Variants in TRDMT1 observed in about 807,000 individuals in gnomAD.
TRDMT1 encodes the protein tRNA aspartic acid methyltransferase 1.
A neutral mutation model predicts 51.2 loss-of-function variants in TRDMT1; 49 were observed. That is an observed-to-expected ratio of 0.96 (90% CI 0.76 to 1.21). The LOEUF is 1.21. Among genes scored for constraint, TRDMT1 ranks in the 50% most tolerant of loss-of-function variants. The probability of loss-of-function intolerance (pLI) is 0.00; values close to 1 mark genes in which losing one functional copy is unlikely to be tolerated. For synonymous variants in TRDMT1, 187 were observed against 164.6 expected, an observed-to-expected ratio of 1.14 and a Z score of -1.04; for missense variants, 534 against 462.3, an observed-to-expected ratio of 1.16 and a Z score of -1.42.
At chr10:17,194,446 TA>T (rs1845105057) in intron 1 of TRDMT1, among the ~76,000 whole-genome samples, 1 of 151,712 alleles carries the variant, frequency 6.6e-6, no homozygotes, top group Non-Finnish European at 1.5e-5. Flanking sequence ...AAAAGAAACT[TA>T]AACAACTGAA....
At position 17,159,059 on chromosome 10, in the gene TRDMT1, A is replaced by G. The variant is rs529939817; in HGVS notation, c.543+87T>C. On this transcript the variant is annotated intron_variant, in intron 7 of 10. Coordinates refer to ENST00000377799, the MANE Select transcript of TRDMT1 (RefSeq NM_004412.7). The stretch of plus-strand genomic sequence containing the variant: ...ATAGTACACAGAGACAGCTACACAA[A>G]GTAGTTCTTGAAAATAAATTAGCAG... 142 of 874,730 alleles carry G rather than the reference A, an allele frequency of 1.6e-4. No homozygotes were observed. In the African/African-American group the frequency reaches 2.1e-3, roughly 13 times the overall value. The allele number at this position is 874,730 out of a possible 1,614,324, so 54.2% of individuals were successfully genotyped here. A position where few individuals can be genotyped will look rare whatever the true frequency, so the allele number is the denominator to read the frequency against.
Position 17,192,173 on chromosome 10 carries a change from G to A in TRDMT1, c.64+9398C>T, listed in dbSNP as rs1266770134. ...ATAGAGTTATAAATATAGTCTGAAG[G>A]TAAAGCCTGTAGAACTGGCTGATGT... On this transcript the variant is annotated intron_variant, in intron 1 of 10. Coordinates refer to ENST00000377799, the MANE Select transcript of TRDMT1 (RefSeq NM_004412.7). Among the ~76,000 whole-genome samples the A allele has an allele frequency of 3.3e-5, 5 of 152,152 alleles. No individual in the cohort carries two copies. In the East Asian group the frequency reaches 7.7e-4, roughly 23 times the overall value.
At chr10:17,177,246 G>C (rs1842735695) in intron 1 of TRDMT1, among the ~76,000 whole-genome samples, 1 of 138,228 alleles carries the variant, frequency 7.2e-6, no homozygotes, top group African/African-American at 2.7e-5. Flanking sequence ...GCCCAGGCTG[G>C]AGTTCAGTGG....
chr10:17,189,607 C>G (rs1844418651), intron 1 of TRDMT1, among the ~76,000 whole-genome samples: 1 of 152,026 alleles, frequency 6.6e-6, no homozygotes, highest in Admixed American at 6.6e-5. Context: ...ATTGAGAACA[C>G]AAGAAAAACA....
intron 1 of TRDMT1, among the ~76,000 whole-genome samples, chr10:17,188,532 AAGG>A (rs1844248014): frequency 6.6e-6 from 1 of 152,320 alleles, no homozygotes; most frequent in East Asian, 1.9e-4. Context: ...AGCTTCACAC[AAGG>A]AGAAGCCTCC....
Position 17,137,358 on chromosome 10 carries a change from A to G in TRDMT1, c.*11682T>C, listed in dbSNP as rs1369986589. ...GGGGAAATTTGAAAGAAGTAAATTT[A>G]TTGACCTTCTCTGATTTACAATAAA... On this transcript the variant is annotated 3_prime_UTR_variant, in exon 11 of 11. Transcript: ENST00000377799. 1 of 152,244 alleles carries G rather than the reference A, an allele frequency of 6.6e-6. No homozygotes were observed. The highest frequency in any genetic ancestry group is 6.5e-5 in the Admixed American group (1 of 15,284). 9.4% of individuals were successfully genotyped at this position (152,244 alleles called of 1,614,324 possible).
At chr10:17,181,420 T>C (rs1012379989) in intron 1 of TRDMT1, among the ~76,000 whole-genome samples, 4 of 152,156 alleles carry the variant, frequency 2.6e-5, no homozygotes, top group Non-Finnish European at 4.4e-5. Flanking sequence ...CCATGTCTCA[T>C]TCATATGGGT....
chr10:17,194,255 T>C (rs1845080138), intron 1 of TRDMT1, among the ~76,000 whole-genome samples: 1 of 152,210 alleles, frequency 6.6e-6, no homozygotes, highest in Non-Finnish European at 1.5e-5. Context: ...TGGAAAAGAA[T>C]TTATGACTAA....
At chr10:17,168,349 TAGA>T (rs1214405207) in intron 3 of TRDMT1, among the ~76,000 whole-genome samples, 17 of 152,164 alleles carry the variant, frequency 1.1e-4, no homozygotes, top group African/African-American at 4.1e-4. Flanking sequence ...CATAAGTAGA[TAGA>T]AGGATTTATG....
intron 3 of TRDMT1, 100 bp from the exon 4 acceptor site, chr10:17,162,337 T>C: frequency 8.9e-7 from 1 of 1,117,734 alleles, no homozygotes; most frequent in Non-Finnish European, 1.3e-6. Flanking sequence ...AAAAGGAGAA[T>C]AAAAATAAGT....
chr10:17,177,975 G>A (rs1301106300), intron 1 of TRDMT1, among the ~76,000 whole-genome samples: 1 of 152,176 alleles, frequency 6.6e-6, no homozygotes, highest in Non-Finnish European at 1.5e-5. Flanking sequence ...AAATGTAAAT[G>A]TAAAGACGTT....
chr10:17,161,744 T>A (rs180977037), intron 4 of TRDMT1, among the ~76,000 whole-genome samples, 196 bp from the exon 5 acceptor site: 1 of 152,256 alleles, frequency 6.6e-6, no homozygotes, highest in Non-Finnish European at 1.5e-5. Context: ...AAGTTAACAT[T>A]TGAAATGTTG....
intron 10 of TRDMT1, chr10:17,153,029 CACACAGCTG>C (rs1838972613): frequency 6.2e-6 from 1 of 162,498 alleles, no homozygotes; most frequent in South Asian, 2.0e-4. Flanking sequence ...AGGATAGGGG[CACACAGCTG>C]ACACAGGTGT....
At position 17,148,493 on chromosome 10, in the gene TRDMT1, T is replaced by G; in HGVS notation, c.*547A>C. 3.0e-6 allele frequency: 3 copies of G among 985,448 alleles called. 1 individual carries two copies. In the Middle Eastern group the frequency reaches 1.6e-3, roughly 515 times the overall value. 61.0% of individuals were successfully genotyped at this position (985,448 alleles called of 1,614,324 possible). ...AGGTAATCAAACATTTAGGATTATT[T>G]TTCCTGACATATTCTTCAGTCTGCT... is the stretch of plus-strand genomic sequence containing the variant. On this transcript the variant is annotated 3_prime_UTR_variant, in exon 11 of 11. Coordinates refer to ENST00000377799, the MANE Select transcript of TRDMT1 (RefSeq NM_004412.7).
At chr10:17,173,190 A>G (rs769951260) in intron 2 of TRDMT1, among the ~76,000 whole-genome samples, 41 of 151,844 alleles carry the variant, frequency 2.7e-4, no homozygotes, top group Non-Finnish European at 5.3e-4. Context: ...GTAGGTATTT[A>G]TCCACAATAA....
chr10:17,169,055 T>C (rs1841612261), intron 2 of TRDMT1, 138 bp from the exon 3 acceptor site: 4 of 656,678 alleles, frequency 6.1e-6, no homozygotes, highest in African/African-American at 3.7e-5. Flanking sequence ...TCAACTTTGG[T>C]TAACTAACTT....
rs1318919524 is a variant in TRDMT1 at position 17,145,864 on chromosome 10, G to A, written c.*3176C>T. 1 of 985,292 alleles carries A rather than the reference G, an allele frequency of 1.0e-6. No individual in the cohort carries two copies. The highest frequency in any genetic ancestry group is 1.7e-5 in the African/African-American group (1 of 57,218). 61.0% of individuals were successfully genotyped at this position (985,292 alleles called of 1,614,324 possible). A position where few individuals can be genotyped will look rare whatever the true frequency, so the allele number is the denominator to read the frequency against. On this transcript the variant is annotated 3_prime_UTR_variant, in exon 11 of 11. Transcript: ENST00000377799. The stretch of plus-strand genomic sequence containing the variant: ...TGAAATGTGGTTGCTTCTTTGTTCT[G>A]TTCTGCTATGGCTAAAATTAAATCA...
Position 17,159,141 on chromosome 10 carries a change from A to C in TRDMT1, c.543+5T>G, listed in dbSNP as rs1839953782. On this transcript the variant is annotated splice_donor_5th_base_variant and intron_variant, in intron 7 of 10. Transcript: ENST00000377799. ...ATATTCATAATAAAATTCCAATAAT[A>C]ATACCTGACCAGGGGCTTGAAAGGG... 1 of 1,560,676 alleles carries C rather than the reference A, an allele frequency of 6.4e-7. No individual in the cohort carries two copies.
Position 17,148,765 on chromosome 10 carries a change from T to A in TRDMT1, c.*275A>T. On this transcript the variant is annotated 3_prime_UTR_variant, in exon 11 of 11. Transcript: ENST00000377799. ...AGTGCTCCTTGATTTGTTTATAAAA[T>A]TGTTTTTAAAAAGAATATTCCACAT... is the stretch of plus-strand genomic sequence containing the variant. 9.6e-7 allele frequency: 1 copy of A among 1,043,502 alleles called. No homozygotes were observed. Among genetic ancestry groups the A allele is most frequent in the South Asian group, 4.0e-5 (1 of 25,008 alleles). 64.6% of individuals were successfully genotyped at this position (1,043,502 alleles called of 1,614,324 possible). A position where few individuals can be genotyped will look rare whatever the true frequency, so the allele number is the denominator to read the frequency against.
Sources: gnomAD v4.1 joint callset for allele counts (sites outside exome capture counted in the v4.1 genomes callset) on GRCh38, gnomAD v4.1.1 for gene constraint, MANE v1.5 for transcripts, NCBI Gene and HGNC (gene_info 2026-07-23, HGNC 2026-07-21) for gene names.